Variants in FRMD4A observed in about 807,000 individuals in gnomAD.
FRMD4A encodes the protein FERM domain-containing protein 4A.
In FRMD4A, 29 loss-of-function variants were observed where a neutral mutation model predicts 129.1. That is an observed-to-expected ratio of 0.22 (90% confidence interval 0.17 to 0.31). The LOEUF is 0.31. Ranked by LOEUF, FRMD4A falls within the 10% of genes least tolerant of loss-of-function variation. The pLI, the probability that FRMD4A is intolerant of heterozygous loss-of-function variation, is 1.00. For synonymous variants in FRMD4A, 634 were observed against 571.6 expected (o/e 1.11, Z -1.56); for missense variants, 1,272 against 1,375.8 (o/e 0.92, Z 1.19).
At chr10:13,694,843 TA>T (rs5783342) in intron 14 of FRMD4A, among the ~76,000 whole-genome samples, 91,555 of 149,824 alleles carry the variant, frequency 0.61, 28,191 homozygotes, top group East Asian at 0.89. Flanking sequence ...CCCTGTCTCT[TA>T]AAAAAAAAAA....
chr10:13,781,358 A>G (rs1400556992), intron 6 of FRMD4A, among the ~76,000 whole-genome samples: 1 of 140,582 alleles, frequency 7.1e-6, no homozygotes, highest in African/African-American at 2.6e-5. Flanking sequence ...ACGCTACAAC[A>G]TGGATGAACC....
chr10:14,061,376 C>T (rs553913847), intron 2 of FRMD4A, among the ~76,000 whole-genome samples: 42 of 151,984 alleles, frequency 2.8e-4, no homozygotes, highest in South Asian at 8.3e-4. Flanking sequence ...CACTTGAACC[C>T]GGAGGCGGAG....
At chr10:13,697,563 G>C (rs548011756) in intron 14 of FRMD4A, among the ~76,000 whole-genome samples, 1 of 152,240 alleles carries the variant, frequency 6.6e-6, no homozygotes, top group Admixed American at 6.5e-5. Context: ...CAGGTCTCTG[G>C]GCTGACCTTA....
intron 3 of FRMD4A, among the ~76,000 whole-genome samples, chr10:13,856,217 AGTGTGT>A (rs36225405): frequency 0.095 from 13,886 of 145,844 alleles, 775 homozygotes; most frequent in Non-Finnish European, 0.13. Flanking sequence ...ATTTTGTGCA[AGTGTGT>A]GTGTGTGTGT....
At chr10:13,988,589 T>C (rs2131419835) in intron 2 of FRMD4A, among the ~76,000 whole-genome samples, 2 of 152,316 alleles carry the variant, frequency 1.3e-5, no homozygotes, top group South Asian at 4.1e-4. Context: ...TATCTACATA[T>C]ATACATAGAT....
At chr10:14,160,844 A>G (rs1359159285) in intron 2 of FRMD4A, among the ~76,000 whole-genome samples, 2 of 152,256 alleles carry the variant, frequency 1.3e-5, no homozygotes, top group Non-Finnish European at 2.9e-5. Context: ...GAATGGGGTT[A>G]TCAAAGAGAC....
At chr10:13,822,160 AC>A (rs1326649352) in intron 3 of FRMD4A, among the ~76,000 whole-genome samples, 1 of 152,188 alleles carries the variant, frequency 6.6e-6, no homozygotes, top group Admixed American at 6.5e-5. Context: ...ATGTGGGCTG[AC>A]CCATCAAGCT....
chr10:14,117,401 T>C (rs538248486), intron 2 of FRMD4A, among the ~76,000 whole-genome samples: 3 of 152,358 alleles, frequency 2.0e-5, no homozygotes, highest in South Asian at 2.1e-4. Flanking sequence ...CCTCCCATCA[T>C]TGGGACCAGT....
chr10:14,016,935 C>A (rs184585015), intron 2 of FRMD4A, among the ~76,000 whole-genome samples: 6 of 152,356 alleles, frequency 3.9e-5, no homozygotes, highest in Admixed American at 3.9e-4. Context: ...TCCTTGCAGG[C>A]TGTTCAGCTC....
At chr10:14,225,731 T>C (rs777179984) in intron 2 of FRMD4A, among the ~76,000 whole-genome samples, 31 of 152,262 alleles carry the variant, frequency 2.0e-4, no homozygotes, top group Non-Finnish European at 3.7e-4. Context: ...GATGATTTGC[T>C]TCCCTCTGTA....
intron 3 of FRMD4A, among the ~76,000 whole-genome samples, chr10:13,816,881 C>T (rs1426490387): frequency 1.3e-5 from 2 of 152,166 alleles, no homozygotes; most frequent in Non-Finnish European, 2.9e-5. Flanking sequence ...AGCCTGTGCT[C>T]CCTGGGTTTG....
At chr10:13,809,886 G>A (rs963230263) in intron 4 of FRMD4A, among the ~76,000 whole-genome samples, 1 of 152,216 alleles carries the variant, frequency 6.6e-6, no homozygotes, top group Non-Finnish European at 1.5e-5. Flanking sequence ...AAGGCCAAGT[G>A]TAGCCATGTG....
intron 2 of FRMD4A, among the ~76,000 whole-genome samples, chr10:13,957,640 A>G (rs2095417847): frequency 6.6e-6 from 1 of 152,210 alleles, no homozygotes; most frequent in Admixed American, 6.5e-5. Context: ...TCGCTAGAGA[A>G]AGCACAGTGT....
rs142009232 is a variant in FRMD4A, at chr10:14,185,682, G to A, written c.45+144376C>T. ...TAGCTGTGCAGATGAGCAGAAGAGA[G>A]GATAGCAGCAGCTCAACAGTGGCAC... On this transcript the variant is annotated intron_variant, in intron 2 of 24. Coordinates refer to ENST00000357447, the MANE Select transcript of FRMD4A (RefSeq NM_018027.5). Among the ~76,000 whole-genome samples, 11 of 152,316 alleles carry A rather than the reference G, an allele frequency of 7.2e-5. No individual in the cohort carries two copies. In the South Asian group the frequency reaches 1.0e-3, roughly 14 times the overall value.
At chr10:14,234,311 G>C (rs1045203024) in intron 2 of FRMD4A, among the ~76,000 whole-genome samples, 37 of 152,116 alleles carry the variant, frequency 2.4e-4, no homozygotes, top group African/African-American at 8.0e-4. Context: ...TGAAATGTCT[G>C]TAAGTTCTGA....
At chr10:13,817,422 T>C (rs1187740120) in intron 3 of FRMD4A, among the ~76,000 whole-genome samples, 3 of 152,198 alleles carry the variant, frequency 2.0e-5, no homozygotes, top group African/African-American at 7.2e-5. Context: ...ACTAGAATGA[T>C]CAAAACAGCA....
intron 2 of FRMD4A, among the ~76,000 whole-genome samples, chr10:14,057,571 ATCTTTTT>A (rs772896966): frequency 2.1e-5 from 3 of 140,378 alleles, no homozygotes; most frequent in Admixed American, 7.2e-5. Flanking sequence ...TGAATTTATA[ATCTTTTT>A]TTTTTTTTCG....
chr10:13,675,155 C>G (rs1363753815), intron 15 of FRMD4A, 111 bp from the exon 16 acceptor site: 3 of 967,906 alleles, frequency 3.1e-6, no homozygotes, highest in Non-Finnish European at 4.8e-6. Flanking sequence ...CCCCAGGAAT[C>G]AAGGGAGTGT....
intron 3 of FRMD4A, among the ~76,000 whole-genome samples, chr10:13,835,442 A>C (rs1395767174): frequency 3.9e-5 from 6 of 152,216 alleles, no homozygotes. Flanking sequence ...GGACCAGTAC[A>C]GGAACCGGGC....
Sources: gnomAD v4.1 joint callset for allele counts (sites outside exome capture counted in the v4.1 genomes callset) on GRCh38, gnomAD v4.1.1 for gene constraint, MANE v1.5 for transcripts, NCBI Gene and HGNC (gene_info 2026-07-23, HGNC 2026-07-21) for gene names.